Variants in TTC31 observed in about 807,000 individuals in gnomAD.
TTC31 encodes the protein tetratricopeptide repeat protein 31.
A neutral mutation model predicts 60.4 loss-of-function variants in TTC31; 59 were observed. That is an observed-to-expected ratio of 0.98 (90% CI 0.79 to 1.21). The LOEUF is 1.21. Among genes scored for constraint, TTC31 ranks in the 50% most tolerant of loss-of-function variants. The probability of loss-of-function intolerance (pLI) is 0.00; values close to 1 mark genes in which losing one functional copy is unlikely to be tolerated. For synonymous variants in TTC31, 225 were observed against 249.6 expected (o/e 0.90, Z 0.93); for missense variants, 672 against 646.9 (o/e 1.04, Z -0.42).
intron 2 of TTC31, among the ~76,000 whole-genome samples, chr2:74,485,496 G>A (rs1360159687): frequency 7.4e-6 from 1 of 134,654 alleles, no homozygotes; most frequent in Non-Finnish European, 1.6e-5. Flanking sequence ...TTGAGATGGA[G>A]TTTTGCTCCC....
At position 74,491,515 on chromosome 2, in the gene TTC31, T is replaced by C; in HGVS notation, c.719T>C (p.Leu240Pro). 6.2e-7 allele frequency: 1 copy of C among 1,613,612 alleles called. No homozygotes were observed. Among genetic ancestry groups the C allele is most frequent in the African/African-American group, 1.3e-5 (1 of 74,910 alleles). Residue 240 changes from leucine (L) to proline (P), a missense_variant, in exon 8 of 13, where the codon CTG becomes CCG. By Grantham distance (98) the Leu-to-Pro change is moderately conservative. Transcript: ENST00000233623. Reference sequence around the variant, plus strand: ...GATCTATCTAGCACTTTTGTGTCTCTGGCTTTGCGCAAGGTTGGGGATTGG... The same window carrying C: ...GATCTATCTAGCACTTTTGTGTCTCCGGCTTTGCGCAAGGTTGGGGATTGG... ...SLDLSSTFVS[L>P]ALRKVGDWPL... is the part of the protein sequence containing the mutation.
intron 2 of TTC31, among the ~76,000 whole-genome samples, chr2:74,488,949 G>A (rs1024769719): frequency 3.9e-5 from 6 of 152,148 alleles, no homozygotes; most frequent in Admixed American, 1.3e-4. Context: ...CCAGCTACTT[G>A]GGAGGGTGAG....
At chr2:74,484,657 C>T (rs1304651228) in intron 2 of TTC31, among the ~76,000 whole-genome samples, 7 of 152,052 alleles carry the variant, frequency 4.6e-5, no homozygotes, top group Non-Finnish European at 1.0e-4. Context: ...CTGGGTTTCA[C>T]CATGTTGGCC....
Position 74,492,367 on chromosome 2 carries a change from T to A in TTC31, c.1083T>A (p.Asp361Glu), listed in dbSNP as rs879007331. The A allele has an allele frequency of 6.4e-7, 1 of 1,550,496 alleles. No individual in the cohort carries two copies. The highest frequency in any genetic ancestry group is 8.7e-7 in the Non-Finnish European group (1 of 1,147,340). The change falls in exon 11 of 13, where the codon GAT becomes GAA. Residue 361 changes from aspartate to glutamate, a missense_variant. Physicochemically the swap from Asp to Glu is conservative, Grantham distance 45. Transcript: ENST00000233623. ...RLGQPAWALA[D>E]AQVALTLRPG... ...GTCAGCCAGCGTGGGCCCTGGCTGA[T>A]GCCCAGGTGGCCCTTACCCTACGGC...
chr2:74,494,055 C>G lies in TTC31; in HGVS notation c.*837C>G, dbSNP rs911246117. The G allele has an allele frequency of 1.3e-5, 2 of 152,194 alleles. No individual in the cohort carries two copies. Among genetic ancestry groups the G allele is most frequent in the Non-Finnish European group, 2.9e-5 (2 of 68,038 alleles). 9.4% of individuals were successfully genotyped at this position (152,194 alleles called of 1,614,324 possible). Reference sequence around the variant, plus strand: ...AATTCCCCACTTCCTGGGTAAGAAGCATGATCTCCTTTTAATTTCACGTCT... The same window carrying G: ...AATTCCCCACTTCCTGGGTAAGAAGGATGATCTCCTTTTAATTTCACGTCT... On this transcript the variant is annotated 3_prime_UTR_variant, in exon 13 of 13. Transcript: ENST00000233623.
Position 74,490,493 on chromosome 2 carries a change from G to A in TTC31, c.462+20G>A, listed in dbSNP as rs566518499. 6.3e-7 allele frequency: 1 copy of A among 1,580,792 alleles called. No individual in the cohort carries two copies. Among genetic ancestry groups the A allele is most frequent in the Non-Finnish European group, 8.6e-7 (1 of 1,162,358 alleles). On this transcript the variant is annotated intron_variant, in intron 4 of 12. Coordinates refer to ENST00000233623, the MANE Select transcript of TTC31 (RefSeq NM_022492.6). ...GAAGAGGTGAGATTCTCAGGAGAGG[G>A]CTTTGCCGTCCCCCAGGGTTCTTTC...
chr2:74,491,997 T>C lies in TTC31; in HGVS notation c.877-7T>C. ...AAGACCTGCTTGACTTTGCACCCTA[T>C]CCCCAGGCATCTCCGGGACTGCTGG... On this transcript the variant is annotated splice_region_variant and splice_polypyrimidine_tract_variant and intron_variant, in intron 8 of 12. Transcript: ENST00000233623. The C allele has an allele frequency of 6.2e-7, 1 of 1,614,120 alleles. No individual in the cohort carries two copies. The highest frequency in any genetic ancestry group is 1.1e-5 in the South Asian group (1 of 91,080).
rs1363667217 is a variant in TTC31 at position 74,492,050 on chromosome 2, T to C, written c.923T>C (p.Leu308Pro). 1 of 1,614,230 alleles carries C rather than the reference T, an allele frequency of 6.2e-7. No homozygotes were observed. The highest frequency in any genetic ancestry group is 1.7e-5 in the Admixed American group (1 of 60,034). ...GCTGCCTTACAACAGAGCCAGGAAC[T>C]GGCAAGTGAGATCCTTTCTCTCTCC... The part of the protein sequence containing the change: ...LAAALQQSQE[L>P]AKLGTSFAQN... Residue 308 changes from leucine to proline, a missense_variant, in exon 9 of 13, where the codon CTG becomes CCG. Leu to Pro is a moderately conservative substitution (Grantham distance 98). Transcript: ENST00000233623.
intron 2 of TTC31, among the ~76,000 whole-genome samples, chr2:74,483,950 A>G (rs1369972133): frequency 1.3e-5 from 2 of 150,748 alleles, no homozygotes; most frequent in Non-Finnish European, 3.0e-5. Flanking sequence ...TAAAAAAAAA[A>G]AAAAGCTGGG....
In TTC31 at chr2:74,491,119, C is replaced by A; in HGVS notation, c.547-9C>A. 1 of 1,614,192 alleles carries A rather than the reference C, an allele frequency of 6.2e-7. No homozygotes were observed. Among genetic ancestry groups the A allele is most frequent in the Non-Finnish European group, 8.5e-7 (1 of 1,180,034 alleles). On this transcript the variant is annotated splice_polypyrimidine_tract_variant and intron_variant, in intron 5 of 12. Coordinates refer to ENST00000233623, the MANE Select transcript of TTC31 (RefSeq NM_022492.6). Reference sequence around the variant, plus strand: ...TCAAAATACATCATTGTTACCATTACTATTGCAGCGTCAAAAGGAACGGAA... The same window carrying A: ...TCAAAATACATCATTGTTACCATTAATATTGCAGCGTCAAAAGGAACGGAA...
chr2:74,491,592 G>T lies in TTC31; in HGVS notation c.796G>T (p.Gly266Cys). 1.2e-6 allele frequency: 2 copies of T among 1,614,226 alleles called. No individual in the cohort carries two copies. Among genetic ancestry groups the T allele is most frequent in the Non-Finnish European group, 1.7e-6 (2 of 1,180,040 alleles). ...ACTGAACCAGGAGCCCCAAGGCAGG[G>T]GTCTGGCCCTCCAGAAGATGGGTCA... ...KGLNQEPQGRGLALQKMGQEE... is the reference protein window; with the variant it reads ...KGLNQEPQGRCLALQKMGQEE... Residue 266 changes from glycine (G) to cysteine (C), a missense_variant, in exon 8 of 13, where the codon GGT becomes TGT. Gly to Cys is a radical substitution (Grantham distance 159, BLOSUM62 -3). Coordinates refer to ENST00000233623, the MANE Select transcript of TTC31 (RefSeq NM_022492.6).
chr2:74,490,595 C>A, intron 4 of TTC31, 61 bp from the exon 5 acceptor site: 1 of 1,578,108 alleles, frequency 6.3e-7, no homozygotes, highest in Middle Eastern at 1.7e-4. Flanking sequence ...TGCCCCCTTT[C>A]ATGTTTGCTC....
intron 2 of TTC31, among the ~76,000 whole-genome samples, chr2:74,486,641 C>G (rs1481562870): frequency 6.6e-6 from 1 of 152,114 alleles, no homozygotes; most frequent in African/African-American, 2.4e-5. Flanking sequence ...GCCTGTAATC[C>G]CAGCACTTTG....
intron 2 of TTC31, among the ~76,000 whole-genome samples, chr2:74,484,809 G>A (rs953075656): frequency 6.6e-6 from 1 of 151,954 alleles, no homozygotes; most frequent in Admixed American, 6.6e-5. Flanking sequence ...GCATTGAGGC[G>A]CTATACTCCC....
At chr2:74,486,970 A>T (rs569515916) in intron 2 of TTC31, among the ~76,000 whole-genome samples, 3 of 152,246 alleles carry the variant, frequency 2.0e-5, no homozygotes, top group African/African-American at 7.2e-5. Context: ...AAAAAGGACG[A>T]AGGAGTGAGC....
At chr2:74,491,922 A>C (rs1167167738) in intron 8 of TTC31, 82 bp from the exon 9 acceptor site, 3 of 1,602,464 alleles carry the variant, frequency 1.9e-6, no homozygotes, top group Non-Finnish European at 2.6e-6. Context: ...TGCTAATTGC[A>C]GTGTTACCTG....
rs766023211 is a variant in TTC31 at position 74,490,330 on chromosome 2, T to A, written c.319T>A (p.Cys107Ser). The change falls in exon 4 of 13, where the codon TGT (cysteine) becomes AGT (serine). Residue 107 changes from cysteine (C) to serine (S), a missense_variant. Transcript: ENST00000233623. ...GGGGGCTGAGGGACTGGGCACCTAC[T>A]GTGGTCTCCGCAAGTCCTTCCTGTA... is the stretch of plus-strand genomic sequence containing the variant. The part of the protein sequence containing the change: ...GKGAEGLGTY[C>S]GLRKSFLYPP... 1 of 1,614,130 alleles carries A rather than the reference T, an allele frequency of 6.2e-7. No individual in the cohort carries two copies. The highest frequency in any genetic ancestry group is 8.5e-7 in the Non-Finnish European group (1 of 1,179,998).
rs1219520604 is a variant in TTC31, at chr2:74,494,263, C to G, written c.*1045C>G. On this transcript the variant is annotated 3_prime_UTR_variant, in exon 13 of 13. Coordinates refer to ENST00000233623, the MANE Select transcript of TTC31 (RefSeq NM_022492.6). Reference sequence around the variant, plus strand: ...TGGGTCTTGCTCAATACTGTTCATACCTGGAGAGAGAAGGTATTGAAACAT... The same window carrying G: ...TGGGTCTTGCTCAATACTGTTCATAGCTGGAGAGAGAAGGTATTGAAACAT... 1 of 152,184 alleles carries G rather than the reference C, an allele frequency of 6.6e-6. No individual in the cohort carries two copies. The highest frequency in any genetic ancestry group is 6.6e-5 in the Admixed American group (1 of 15,260). 9.4% of individuals were successfully genotyped at this position (152,184 alleles called of 1,614,324 possible).
In TTC31 at chr2:74,492,713, G is replaced by A. The variant is rs1202917793; in HGVS notation, c.1229G>A (p.Arg410Gln). The A allele has an allele frequency of 2.5e-6, 4 of 1,614,174 alleles. No homozygotes were observed. The highest frequency in any genetic ancestry group is 1.3e-5 in the African/African-American group (1 of 75,042). The change falls in exon 12 of 13, where the codon CGA (arginine) becomes CAA (glutamine). Residue 410 changes from arginine (R) to glutamine (Q), a missense_variant. By Grantham distance (43) the Arg-to-Gln change is conservative. Coordinates refer to ENST00000233623, the MANE Select transcript of TTC31 (RefSeq NM_022492.6). ...LRGGSQPDAARELRSCLLHLT... is the reference protein window; with the variant it reads ...LRGGSQPDAAQELRSCLLHLT... ...GGTGGGTCCCAGCCTGACGCAGCCC[G>A]AGAGCTCCGCTCTTGCCTTCTCCAC...
Sources: allele counts gnomAD v4.1 joint callset (sites outside exome capture counted in the v4.1 genomes callset), GRCh38; gene constraint gnomAD v4.1.1; transcripts MANE v1.5; gene names NCBI Gene and HGNC (gene_info 2026-07-23, HGNC 2026-07-21).